TEAD3: variants seen among roughly 807,000 people sequenced by gnomAD.
TEAD3 encodes transcriptional enhancer factor TEF-5.
In TEAD3, 15 loss-of-function variants were observed where a neutral mutation model predicts 55.6. That is an observed-to-expected ratio of 0.27 (90% CI 0.18 to 0.42). TEAD3 has a LOEUF of 0.42. Among genes scored for constraint, TEAD3 ranks in the 10% least tolerant of loss-of-function variants. The pLI is 1.00. For synonymous variants in TEAD3, 210 were observed against 232.2 expected, an observed-to-expected ratio of 0.90 and a Z score of 0.87; for missense variants, 407 against 576.8, an observed-to-expected ratio of 0.71 and a Z score of 3.01.
rs769138219 is a variant in TEAD3 at position 35,486,452 on chromosome 6, G to C, written c.202+9C>G. On this transcript the variant is annotated intron_variant, in intron 2 of 12. Transcript: ENST00000639578. This position sits in a 1 kb window ranked among gnomAD's most constrained non-coding sequence, Gnocchi z 7.3. ...GGCCGCAGTCCCGCCCGCGCCCCCCGGCACGCACCGTACATCTTGCCCTCG... is the reference window on the plus strand; with the variant it reads ...GGCCGCAGTCCCGCCCGCGCCCCCCCGCACGCACCGTACATCTTGCCCTCG... 19 of 1,609,584 alleles carry C rather than the reference G, an allele frequency of 1.2e-5. No homozygotes were observed. Among genetic ancestry groups the C allele is most frequent in the Non-Finnish European group, 6.8e-6 (8 of 1,177,386 alleles).
chr6:35,481,322 A>C lies in TEAD3; in HGVS notation c.268-1200T>G, dbSNP rs117426876. 5.3e-4 allele frequency among the ~76,000 whole-genome samples: 80 copies of C among 152,286 alleles called. No homozygotes were observed. In the East Asian group the frequency reaches 0.011, roughly 22 times the overall value. On this transcript the variant is annotated intron_variant, in intron 3 of 12. Coordinates refer to ENST00000639578, the Ensembl canonical transcript of TEAD3. ...CCCAAATGTCACTGTTTTCCCCAGG[A>C]AACACACAGATCCTTGACGCCGCTT...
rs1330067395 is a variant in TEAD3 at position 35,488,786 on chromosome 6, C to T, written c.-49-2075G>A. 4.6e-5 allele frequency among the ~76,000 whole-genome samples: 7 copies of T among 152,062 alleles called. No individual in the cohort carries two copies. Among genetic ancestry groups the T allele is most frequent in the East Asian group, 1.9e-4 (1 of 5,186 alleles). On this transcript the variant is annotated intron_variant, in intron 1 of 12. Transcript: ENST00000639578. The surrounding 1 kb of genome is among the most constrained non-coding windows in gnomAD (Gnocchi z 4.2). ...TCGCCCAGGCTAGAGTGCAATGGCG[C>T]GATCTCTGCTCACCGCAACCTCCAC...
intron 1 of TEAD3, among the ~76,000 whole-genome samples, chr6:35,490,874 G>C (rs566312099): frequency 6.6e-6 from 1 of 152,302 alleles, no homozygotes; most frequent in East Asian, 1.9e-4. Flanking sequence ...GCGGGCGAGA[G>C]GGCAAGCCCT....
At chr6:35,478,596 C>T (rs1239782332) in intron 5 of TEAD3, 25 bp from the exon 6 acceptor site, 1 of 1,565,728 alleles carries the variant, frequency 6.4e-7, no homozygotes, top group South Asian at 1.2e-5. Flanking sequence ...CTGCATGAAG[C>T]CAGGGCCACG....
chr6:35,477,488 G>T (rs986713927), intron 7 of TEAD3, 116 bp from the exon 8 acceptor site: 2 of 900,366 alleles, frequency 2.2e-6, no homozygotes, highest in African/African-American at 3.3e-5. Context: ...CTGAGGCCCA[G>T]AAACGCATGC....
rs182185023 is a variant in TEAD3 at position 35,479,158 on chromosome 6, G to T, written c.342+147C>A. 8.5e-4 allele frequency: 877 copies of T among 1,027,376 alleles called. 5 individuals are homozygous for T. The African/African-American group carries it at 0.011, about 13-fold the overall frequency. 63.6% of individuals were successfully genotyped at this position (1,027,376 alleles called of 1,614,324 possible). A position where few individuals can be genotyped will look rare whatever the true frequency, so the allele number is the denominator to read the frequency against. On this transcript the variant is annotated intron_variant, in intron 5 of 12. Transcript: ENST00000639578. Reference sequence around the variant, plus strand: ...CTCCCAAAGTGCTGGGATTACAGGCGTGAGCCACCACGCCCAGCCATTTCG... The same window carrying T: ...CTCCCAAAGTGCTGGGATTACAGGCTTGAGCCACCACGCCCAGCCATTTCG...
At chr6:35,487,979 G>A (rs57856268) in intron 1 of TEAD3, among the ~76,000 whole-genome samples, 3 of 151,996 alleles carry the variant, frequency 2.0e-5, no homozygotes, top group East Asian at 1.9e-4. Context: ...CCTCACTCTC[G>A]CCCCAGCATC....
downstream of TEAD3, chr6:35,474,161 C>T (rs1450746953): frequency 6.6e-6 from 1 of 152,244 alleles, no homozygotes; most frequent in Admixed American, 6.5e-5. Context: ...CTTCCTCTAC[C>T]TTGCTCTCAA....
rs1180634457 is a variant in TEAD3 at position 35,475,638 on chromosome 6, A to G, written c.969T>C (p.Ser323=). ...AGACGCTGATGGTCATGCTATCAGCAGAGCTGTACTGAGAGCTGACCCCAT... is the reference window on the plus strand; with the variant it reads ...AGACGCTGATGGTCATGCTATCAGCGGAGCTGTACTGAGAGCTGACCCCAT... Residue 323 remains serine (S), a synonymous_variant, in exon 11 of 13, where the codon TCT becomes TCC. Coordinates refer to ENST00000639578, the Ensembl canonical transcript of TEAD3. This position sits in a 1 kb window ranked among gnomAD's most constrained non-coding sequence, Gnocchi z 5.4. The G allele has an allele frequency of 6.2e-7, 1 of 1,613,698 alleles. No homozygotes were observed. Among genetic ancestry groups the G allele is most frequent in the Admixed American group, 1.7e-5 (1 of 60,004 alleles).
intron 3 of TEAD3, among the ~76,000 whole-genome samples, chr6:35,481,477 T>A (rs1162047358): frequency 6.6e-6 from 1 of 152,210 alleles, no homozygotes; most frequent in Non-Finnish European, 1.5e-5. Context: ...AGGACCTGGG[T>A]GGGTGCTCCT....
rs1768429750 is a variant in TEAD3, at chr6:35,488,256, CACCAACA to C, written c.-49-1552_-49-1546del. The stretch of plus-strand genomic sequence containing the variant: ...CCAGGCCCCACAGCAGCCCGTAAAC[CACCAACA>C]CGCCCGCCCCCGCCCTGGCCCATCC... On this transcript the variant is annotated intron_variant, in intron 1 of 12. Coordinates refer to ENST00000639578, the Ensembl canonical transcript of TEAD3. This position sits in a 1 kb window ranked among gnomAD's most constrained non-coding sequence, Gnocchi z 4.2. Among the ~76,000 whole-genome samples, 1 of 152,128 alleles carries C rather than the reference CACCAACA, an allele frequency of 6.6e-6. No homozygotes were observed. The highest frequency in any genetic ancestry group is 1.5e-5 in the Non-Finnish European group (1 of 68,028).
intron 5 of TEAD3, among the ~76,000 whole-genome samples, chr6:35,479,020 C>T (rs781137867): frequency 6.6e-5 from 10 of 151,808 alleles, no homozygotes; most frequent in Non-Finnish European, 1.5e-4. Flanking sequence ...GCTGGGATTA[C>T]AGGCATTCGT....
At chr6:35,487,745 CAAA>C (rs1416257333) in intron 1 of TEAD3, among the ~76,000 whole-genome samples, 1 of 151,754 alleles carries the variant, frequency 6.6e-6, no homozygotes. Flanking sequence ...ACAAAACACA[CAAA>C]AACAAACAAA....
Position 35,483,391 on chromosome 6 carries a change from G to A in TEAD3, c.267+1169C>T, listed in dbSNP as rs1315338258. 1.3e-5 allele frequency among the ~76,000 whole-genome samples: 2 copies of A among 152,086 alleles called. No homozygotes were observed. Among genetic ancestry groups the A allele is most frequent in the African/African-American group, 4.8e-5 (2 of 41,402 alleles). ...ACTGGCCTCCATTCCTCCAGGTCCC[G>A]CCTCCAGCCTGGCCTCTCCCCCAGG... is the stretch of plus-strand genomic sequence containing the variant. On this transcript the variant is annotated intron_variant, in intron 3 of 12. Coordinates refer to ENST00000639578, the Ensembl canonical transcript of TEAD3. The surrounding 1 kb of genome is among the most constrained non-coding windows in gnomAD (Gnocchi z 4.5).
Position 35,479,288 on chromosome 6 carries a change from A to C in TEAD3, c.342+17T>G. 1 of 1,613,720 alleles carries C rather than the reference A, an allele frequency of 6.2e-7. No homozygotes were observed. The highest frequency in any genetic ancestry group is 2.2e-5 in the East Asian group (1 of 44,878). ...ACCCTTTCCCCCACTCCCACTGGGG[A>C]GGGCTGTGCTACTTACCAGGTTCAT... is the stretch of plus-strand genomic sequence containing the variant. On this transcript the variant is annotated intron_variant, in intron 5 of 12. Coordinates refer to ENST00000639578, the Ensembl canonical transcript of TEAD3.
rs983134478 is a variant in TEAD3 at position 35,496,710 on chromosome 6, G to A, written c.-50+188C>T. 7.9e-5 allele frequency among the ~76,000 whole-genome samples: 12 copies of A among 152,114 alleles called. No individual in the cohort carries two copies. The highest frequency in any genetic ancestry group is 1.8e-4 in the Non-Finnish European group (12 of 67,990). On this transcript the variant is annotated intron_variant, in intron 1 of 12. Coordinates refer to ENST00000639578, the Ensembl canonical transcript of TEAD3. The surrounding 1 kb of genome is among the most constrained non-coding windows in gnomAD (Gnocchi z 4.8). Reference sequence around the variant, plus strand: ...GGGGGGGTGGGGAGGGCGGGGGGCGGGGCTTCCCGGAGAGATTTTCCCCCT... The same window carrying A: ...GGGGGGGTGGGGAGGGCGGGGGGCGAGGCTTCCCGGAGAGATTTTCCCCCT...
chr6:35,493,992 T>G (rs374016327), intron 1 of TEAD3, among the ~76,000 whole-genome samples: 1 of 152,122 alleles, frequency 6.6e-6, no homozygotes, highest in Non-Finnish European at 1.5e-5. Flanking sequence ...CCTGGACACA[T>G]GAAGAGTCAC....
intron 1 of TEAD3, among the ~76,000 whole-genome samples, chr6:35,493,352 G>A (rs914365730): frequency 1.3e-5 from 2 of 151,932 alleles, no homozygotes; most frequent in South Asian, 2.1e-4. Context: ...GCCCCCAAAA[G>A]CATCCCACAG....
In TEAD3 at chr6:35,494,672, G is replaced by A. The variant is rs144285298; in HGVS notation, c.-50+2226C>T. Reference sequence around the variant, plus strand: ...CTGGGCTCCTCTCCCCATCCTGGGCGGGGAGGAGGAGGAGGGCAGGACCAG... The same window carrying A: ...CTGGGCTCCTCTCCCCATCCTGGGCAGGGAGGAGGAGGAGGGCAGGACCAG... On this transcript the variant is annotated intron_variant, in intron 1 of 12. Coordinates refer to ENST00000639578, the Ensembl canonical transcript of TEAD3. 1.6e-3 allele frequency among the ~76,000 whole-genome samples: 239 copies of A among 152,272 alleles called. 1 individual carries two copies. The highest frequency in any genetic ancestry group is 4.6e-3 in the African/African-American group (190 of 41,540).
Sources: gnomAD v4.1 joint callset for allele counts (sites outside exome capture counted in the v4.1 genomes callset) on GRCh38, gnomAD v4.1.1 for gene constraint, Gnocchi (gnomAD v3.1) non-coding constraint, MANE v1.5 for transcripts, NCBI Gene and HGNC (gene_info 2026-07-23, HGNC 2026-07-21) for gene names.